The following ADGRV1 variants were observed in gnomAD, a reference collection of about 807,000 sequenced individuals.
The protein encoded by ADGRV1 is adhesion G protein-coupled receptor V1.
In ADGRV1, 359 loss-of-function variants were observed where a neutral mutation model predicts 596.2. The observed-to-expected ratio is 0.60, with a 90% CI of 0.55 to 0.66. The LOEUF (loss-of-function observed/expected upper bound fraction) is 0.66, where lower values mean the gene tolerates loss of function less well. ADGRV1 is among the 30% of genes least tolerant of loss of function. The pLI is 0.00. For missense variants in ADGRV1, 7,274 were observed against 7,575.6 expected (o/e 0.96, Z 1.48); for synonymous variants, 2,681 against 2,679.2 (o/e 1.00, Z -0.02).
chr5:90,819,840 G>A (rs1486575215), intron 75 of ADGRV1, among the ~76,000 whole-genome samples: 6 of 152,124 alleles, frequency 3.9e-5, no homozygotes, highest in Non-Finnish European at 8.8e-5. Flanking sequence ...TTCCAAGTAC[G>A]TGGTCATTTT....
intron 59 of ADGRV1, among the ~76,000 whole-genome samples, chr5:90,771,904 C>T (rs761064886): frequency 1.2e-4 from 18 of 152,170 alleles, no homozygotes; most frequent in Middle Eastern, 3.4e-3. Context: ...CTCTAATATT[C>T]GGAATTTATT....
intron 31 of ADGRV1, 60 bp downstream of exon 31, chr5:90,691,101 G>C: frequency 6.3e-7 from 1 of 1,586,272 alleles, no homozygotes; most frequent in Non-Finnish European, 8.7e-7. Context: ...ATAGTGACTA[G>C]AACAGATGGC....
At chr5:90,584,633 C>T (rs1380939685) in intron 1 of ADGRV1, among the ~76,000 whole-genome samples, 1 of 152,136 alleles carries the variant, frequency 6.6e-6, no homozygotes, top group African/African-American at 2.4e-5. Flanking sequence ...TGTTAGTTCT[C>T]CATGTGAGCC....
chr5:91,041,611 T>G (rs1367183978), intron 85 of ADGRV1, among the ~76,000 whole-genome samples: 1 of 151,016 alleles, frequency 6.6e-6, no homozygotes, highest in Non-Finnish European at 1.5e-5. Context: ...GTTCTGCACA[T>G]GTACCCCAGA....
At chr5:91,100,672 T>C (rs1791298773) in intron 86 of ADGRV1, among the ~76,000 whole-genome samples, 1 of 152,174 alleles carries the variant, frequency 6.6e-6, no homozygotes, top group South Asian at 2.1e-4. Flanking sequence ...ATATAAAACT[T>C]CTTAATTACA....
intron 86 of ADGRV1, among the ~76,000 whole-genome samples, chr5:91,090,293 G>A (rs1790272869): frequency 1.3e-5 from 2 of 152,200 alleles, no homozygotes; most frequent in African/African-American, 4.8e-5. Flanking sequence ...TTTTTGCGAG[G>A]TCTGTGTGGG....
chr5:90,952,223 C>T lies in ADGRV1; in HGVS notation c.17857-13192C>T, dbSNP rs993876728. ...CTATGACCTGCTGCTACCACCTCCA[C>T]CTCCCTCTGTTTTCTCTCTGACTTT... On this transcript the variant is annotated intron_variant, in intron 83 of 89. Transcript: ENST00000405460. 3.9e-5 allele frequency among the ~76,000 whole-genome samples: 6 copies of T among 152,154 alleles called. No individual in the cohort carries two copies. The South Asian group carries it at 1.2e-3, about 31-fold the overall frequency.
intron 1 of ADGRV1, among the ~76,000 whole-genome samples, chr5:90,595,554 GGGCGGGGGGCT>G (rs1760298116): frequency 7.9e-6 from 1 of 126,964 alleles, no homozygotes. Flanking sequence ...GCGGCTGGCC[GGGCGGGGGGCT>G]GACCCCCCAA....
chr5:90,594,799 G>A (rs1323776339), intron 1 of ADGRV1, among the ~76,000 whole-genome samples: 1 of 150,570 alleles, frequency 6.6e-6, no homozygotes, highest in Non-Finnish European at 1.5e-5. Flanking sequence ...ACAGGGTTGG[G>A]GGTAAGGTCA....
chr5:90,959,303 G>A (rs767900067), intron 83 of ADGRV1, among the ~76,000 whole-genome samples: 150 of 151,808 alleles, frequency 9.9e-4, no homozygotes, highest in African/African-American at 3.3e-3. Context: ...TGTGAAGGAG[G>A]TATATGTGGA....
intron 85 of ADGRV1, among the ~76,000 whole-genome samples, chr5:91,053,254 A>T (rs1348756421): frequency 6.6e-6 from 1 of 152,218 alleles, no homozygotes; most frequent in African/African-American, 2.4e-5. Flanking sequence ...TGGAGGGGTT[A>T]CAAAATGATA....
chr5:91,067,341 C>T (rs1787973311), intron 85 of ADGRV1, among the ~76,000 whole-genome samples: 1 of 152,020 alleles, frequency 6.6e-6, no homozygotes, highest in Admixed American at 6.6e-5. Flanking sequence ...AGGGGTTTCT[C>T]CATGTTGTTC....
chr5:90,953,419 T>TAC (rs1306631622), intron 83 of ADGRV1, among the ~76,000 whole-genome samples: 1 of 152,190 alleles, frequency 6.6e-6, no homozygotes, highest in African/African-American at 2.4e-5. Flanking sequence ...GTCAAAATAT[T>TAC]ACTCAGTGTT....
chr5:90,759,383 T>C, intron 57 of ADGRV1, 26 bp from the exon 58 acceptor site: 2 of 1,467,936 alleles, frequency 1.4e-6, no homozygotes, highest in Non-Finnish European at 1.9e-6. Flanking sequence ...TCCCTCTCTT[T>C]CTCCCTTCCT....
chr5:90,904,277 C>G (rs1772118806), intron 83 of ADGRV1, among the ~76,000 whole-genome samples: 1 of 152,044 alleles, frequency 6.6e-6, no homozygotes, highest in Non-Finnish European at 1.5e-5. Context: ...GGTATATACC[C>G]AGCAGGGGGA....
chr5:91,011,698 T>A (rs984967340), intron 85 of ADGRV1, among the ~76,000 whole-genome samples: 9 of 151,978 alleles, frequency 5.9e-5, no homozygotes, highest in Non-Finnish European at 1.2e-4. Context: ...GTTTACGACA[T>A]TGCCGGTATT....
At chr5:91,015,839 T>A (rs1262565272) in intron 85 of ADGRV1, among the ~76,000 whole-genome samples, 1 of 152,022 alleles carries the variant, frequency 6.6e-6, no homozygotes, top group Non-Finnish European at 1.5e-5. Context: ...CACTGTGCCT[T>A]TTAAATGGGG....
intron 85 of ADGRV1, among the ~76,000 whole-genome samples, chr5:90,992,162 G>A (rs1320360694): frequency 6.6e-6 from 1 of 152,228 alleles, no homozygotes; most frequent in Non-Finnish European, 1.5e-5. Context: ...GAATCTAAGA[G>A]TTAGATGTCT....
At chr5:91,102,458 C>T in intron 87 of ADGRV1, 118 bp downstream of exon 87, 2 of 787,090 alleles carry the variant, frequency 2.5e-6, no homozygotes, top group Non-Finnish European at 3.8e-6. Context: ...TACATAATAA[C>T]ATCATATAGA....
Sources: gnomAD v4.1 joint callset for allele counts (sites outside exome capture counted in the v4.1 genomes callset) on GRCh38, gnomAD v4.1.1 for gene constraint, MANE v1.5 for transcripts, NCBI Gene and HGNC (gene_info 2026-07-23, HGNC 2026-07-21) for gene names.